PDE4B: variants seen among roughly 807,000 people sequenced by gnomAD.
PDE4B encodes the protein 3',5'-cyclic-AMP phosphodiesterase 4B.
A neutral mutation model predicts 82.2 loss-of-function variants in PDE4B; 20 were observed. The ratio of observed to expected loss-of-function variants is 0.24; its 90% confidence interval spans 0.17 to 0.35. The LOEUF is 0.35. Among genes scored for constraint, PDE4B ranks in the 10% least tolerant of loss-of-function variants. The pLI is 1.00. For missense variants in PDE4B, 655 were observed against 907.2 expected, an observed-to-expected ratio of 0.72 and a Z score of 3.57; for synonymous variants, 320 against 318.9, an observed-to-expected ratio of 1.00 and a Z score of -0.04.
intron 3 of PDE4B, among the ~76,000 whole-genome samples, chr1:65,982,483 G>A (rs1007076918): frequency 5.9e-5 from 9 of 152,142 alleles, no homozygotes; most frequent in Admixed American, 3.9e-4. Flanking sequence ...TCTGGAGAGA[G>A]CATCAAAAGT....
chr1:65,867,592 G>A (rs1407375358), intron 1 of PDE4B, among the ~76,000 whole-genome samples: 1 of 152,184 alleles, frequency 6.6e-6, no homozygotes, highest in Non-Finnish European at 1.5e-5. Context: ...CTAGCTGTGT[G>A]CAGCCTTGTC....
chr1:66,227,905 A>G (rs377587296), intron 3 of PDE4B, among the ~76,000 whole-genome samples: 1 of 152,136 alleles, frequency 6.6e-6, no homozygotes. Context: ...GGGCCTTTTG[A>G]TTGCCCAGGT....
chr1:66,198,657 C>A (rs533173439), intron 3 of PDE4B, among the ~76,000 whole-genome samples: 48 of 152,098 alleles, frequency 3.2e-4, no homozygotes, highest in East Asian at 2.3e-3. Flanking sequence ...TTGTGCACAA[C>A]GTGCAGGTTT....
intron 3 of PDE4B, among the ~76,000 whole-genome samples, chr1:66,214,857 A>C (rs1377445816): frequency 6.6e-6 from 1 of 152,204 alleles, no homozygotes; most frequent in Admixed American, 6.6e-5. Flanking sequence ...AGCCTGAGAC[A>C]AACTAAATAA....
chr1:66,009,923 A>G (rs536957007), intron 3 of PDE4B, among the ~76,000 whole-genome samples: 3,357 of 145,478 alleles, frequency 0.023, 71 homozygotes, highest in South Asian at 0.041. Flanking sequence ...CTATCTATCT[A>G]TCTATCTATC....
At chr1:65,974,622 G>A (rs1290390780) in intron 3 of PDE4B, among the ~76,000 whole-genome samples, 1 of 152,152 alleles carries the variant, frequency 6.6e-6, no homozygotes, top group African/African-American at 2.4e-5. Flanking sequence ...ATTGGAGGAG[G>A]GATCTGGTGG....
At chr1:65,794,776 G>T (rs1246159757) in intron 1 of PDE4B, among the ~76,000 whole-genome samples, 1 of 152,148 alleles carries the variant, frequency 6.6e-6, no homozygotes, top group Non-Finnish European at 1.5e-5. Flanking sequence ...TAAATGGACT[G>T]GAATTTATGA....
At chr1:66,023,904 A>G (rs956448977) in intron 3 of PDE4B, among the ~76,000 whole-genome samples, 2 of 152,136 alleles carry the variant, frequency 1.3e-5, no homozygotes, top group African/African-American at 2.4e-5. Context: ...TCATTACTAT[A>G]TGTGTCTCAA....
At chr1:66,024,005 A>G (rs1653294007) in intron 3 of PDE4B, among the ~76,000 whole-genome samples, 1 of 152,098 alleles carries the variant, frequency 6.6e-6, no homozygotes, top group African/African-American at 2.4e-5. Flanking sequence ...TTGATAATTA[A>G]TAATGTGAAT....
At chr1:66,328,290 ACTT>A (rs1485478745) in intron 7 of PDE4B, among the ~76,000 whole-genome samples, 2 of 152,198 alleles carry the variant, frequency 1.3e-5, no homozygotes, top group African/African-American at 4.8e-5. Context: ...GGTTCTCCCT[ACTT>A]CTTCCCTCTG....
intron 7 of PDE4B, among the ~76,000 whole-genome samples, chr1:66,277,450 C>A (rs1156784264): frequency 2.6e-5 from 4 of 152,084 alleles, no homozygotes; most frequent in African/African-American, 9.7e-5. Flanking sequence ...GGCTGGAGTG[C>A]AGTGGCACGA....
intron 7 of PDE4B, among the ~76,000 whole-genome samples, chr1:66,327,972 A>C (rs1397234190): frequency 6.6e-6 from 1 of 152,200 alleles, no homozygotes; most frequent in East Asian, 1.9e-4. Flanking sequence ...TATTTGCTCT[A>C]ATAATTTAAT....
At chr1:66,195,283 T>C (rs748264846) in intron 3 of PDE4B, among the ~76,000 whole-genome samples, 1 of 152,122 alleles carries the variant, frequency 6.6e-6, no homozygotes, top group Non-Finnish European at 1.5e-5. Context: ...TTCCATGACC[T>C]TGTGTTCATT....
chr1:66,098,255 T>G lies in PDE4B; in HGVS notation c.282-149205T>G, dbSNP rs145997338. ...GCTCCTTCATCTCTGGTACTTGTTC[T>G]TGCAATTATAGCCATTTGGCCTTCC... On this transcript the variant is annotated intron_variant, in intron 3 of 16. Coordinates refer to ENST00000341517, the MANE Select transcript of PDE4B (RefSeq NM_002600.4). 2.6e-5 allele frequency among the ~76,000 whole-genome samples: 4 copies of G among 152,268 alleles called. No homozygotes were observed. The East Asian group carries it at 7.7e-4, about 29-fold the overall frequency.
At chr1:66,202,520 T>C in intron 3 of PDE4B, among the ~76,000 whole-genome samples, 1 of 152,204 alleles carries the variant, frequency 6.6e-6, no homozygotes, top group Non-Finnish European at 1.5e-5. Flanking sequence ...GCTTTATGAA[T>C]CTGGGTGCGC....
chr1:66,079,028 A>T (rs1656581475), intron 3 of PDE4B, among the ~76,000 whole-genome samples: 2 of 152,118 alleles, frequency 1.3e-5, no homozygotes, highest in South Asian at 2.1e-4. Flanking sequence ...AAAAAATGGG[A>T]TGGATTTTGC....
chr1:65,921,707 C>G (rs1647255270), intron 3 of PDE4B, among the ~76,000 whole-genome samples: 1 of 152,132 alleles, frequency 6.6e-6, no homozygotes, highest in South Asian at 2.1e-4. Flanking sequence ...TTTACAAAAA[C>G]AAGCAGCAGG....
intron 3 of PDE4B, among the ~76,000 whole-genome samples, chr1:66,192,185 T>A (rs1314202208): frequency 6.6e-6 from 1 of 152,036 alleles, no homozygotes; most frequent in Non-Finnish European, 1.5e-5. Context: ...CTGTTCTATC[T>A]CTCTCTCTCT....
At chr1:65,877,065 T>C (rs1198103644) in intron 1 of PDE4B, among the ~76,000 whole-genome samples, 1 of 152,132 alleles carries the variant, frequency 6.6e-6, no homozygotes, top group African/African-American at 2.4e-5. Flanking sequence ...TTAAATTTCA[T>C]ATGGAACCAA....
Sources: allele counts gnomAD v4.1 joint callset (sites outside exome capture counted in the v4.1 genomes callset), GRCh38; gene constraint gnomAD v4.1.1; transcripts MANE v1.5; gene names NCBI Gene and HGNC (gene_info 2026-07-23, HGNC 2026-07-21).